UCK1: variants seen among roughly 807,000 people sequenced by gnomAD.
The protein encoded by UCK1 is uridine-cytidine kinase 1.
In UCK1, 20 loss-of-function variants were observed where a neutral mutation model predicts 34.0. The ratio of observed to expected loss-of-function variants is 0.59; its 90% confidence interval spans 0.41 to 0.86. The LOEUF is 0.86. UCK1 is among the 40% of genes least tolerant of loss of function. The pLI is 0.00. For missense variants in UCK1, 343 were observed against 383.6 expected (o/e 0.89, Z 0.88); for synonymous variants, 168 against 155.9 (o/e 1.08, Z -0.58).
intron 1 of UCK1, 100 bp downstream of exon 1, chr9:131,530,967 T>TGGCAGGGGGCCCCTC: frequency 9.2e-7 from 1 of 1,090,574 alleles, no homozygotes; most frequent in Non-Finnish European, 1.2e-6. Context: ...TGCCCCTGCC[T>TGGCAGGGGGCCCCTC]GGCAGGGGGC....
intron 5 of UCK1, chr9:131,526,516 G>A (rs1373803347): frequency 3.1e-6 from 4 of 1,289,322 alleles, no homozygotes; most frequent in Non-Finnish European, 3.0e-6. Flanking sequence ...GCTGAGGAAG[G>A]ACAAGGATGG....
intron 1 of UCK1, 142 bp downstream of exon 1, chr9:131,530,925 T>G: frequency 1.3e-6 from 1 of 788,416 alleles, no homozygotes; most frequent in Non-Finnish European, 1.8e-6. Context: ...CCCCGGCCCA[T>G]CGCGGCCTGC....
Position 131,525,255 on chromosome 9 carries a change from C to T in UCK1, c.653-34G>A, listed in dbSNP as rs745645691. ...AGAGACAGACAAGCAGCGGGTTAGC[C>T]GCATCCATCCTCCGTGGAGACCGCC... On this transcript the variant is annotated intron_variant, in intron 6 of 6. Transcript: ENST00000372215. 6.8e-6 allele frequency: 11 copies of T among 1,611,856 alleles called. No individual in the cohort carries two copies. The African/African-American group carries it at 8.0e-5, about 12-fold the overall frequency.
intron 3 of UCK1, 83 bp from the exon 4 acceptor site, chr9:131,529,353 CACTG>C: frequency 1.2e-6 from 2 of 1,603,540 alleles, no homozygotes; most frequent in South Asian, 2.2e-5. Flanking sequence ...ATTGCAGGGA[CACTG>C]ACTGTGGGAA....
At chr9:131,526,051 A>G in intron 5 of UCK1, 74 bp from the exon 6 acceptor site, 1 of 1,578,702 alleles carries the variant, frequency 6.3e-7, no homozygotes, top group South Asian at 1.1e-5. Flanking sequence ...TCAGAAACAG[A>G]TGCAACAGCA....
chr9:131,529,722 G>T, intron 2 of UCK1, 138 bp from the exon 3 acceptor site: 1 of 702,902 alleles, frequency 1.4e-6, no homozygotes, highest in Non-Finnish European at 2.5e-6. Context: ...TAGGACTACG[G>T]CAGTGTATGT....
At chr9:131,527,228 T>C (rs1196524830) in intron 5 of UCK1, among the ~76,000 whole-genome samples, 2 of 151,072 alleles carry the variant, frequency 1.3e-5, no homozygotes, top group Non-Finnish European at 2.9e-5. Context: ...CTCAGGAGCC[T>C]GAGGTGGGAG....
chr9:131,527,969 T>G (rs1564406466), intron 5 of UCK1, among the ~76,000 whole-genome samples: 1 of 151,960 alleles, frequency 6.6e-6, no homozygotes, highest in African/African-American at 2.4e-5. Context: ...AGTCCAGGAG[T>G]TCGAGACCAG....
At chr9:131,530,050 C>T (rs189788159) in intron 2 of UCK1, among the ~76,000 whole-genome samples, 86 of 152,324 alleles carry the variant, frequency 5.6e-4, no homozygotes, top group Middle Eastern at 3.4e-3. Flanking sequence ...TTACCTGGCC[C>T]GGAGCTTCAA....
intron 3 of UCK1, 40 bp downstream of exon 3, chr9:131,529,448 T>G: frequency 6.2e-7 from 1 of 1,611,912 alleles, no homozygotes; most frequent in Non-Finnish European, 8.5e-7. Context: ...ACGTCCTAGC[T>G]GGCCCCTCTC....
At chr9:131,526,456 A>G in intron 5 of UCK1, 4 of 1,290,176 alleles carry the variant, frequency 3.1e-6, no homozygotes, top group Non-Finnish European at 4.0e-6. Context: ...CCCTCATCCA[A>G]CCACTCATTG....
In UCK1 at chr9:131,528,817, G is replaced by A. The variant is rs113158528; in HGVS notation, c.603+127C>T. On this transcript the variant is annotated intron_variant, in intron 5 of 6. Coordinates refer to ENST00000372215, the MANE Select transcript of UCK1 (RefSeq NM_031432.5). The stretch of plus-strand genomic sequence containing the variant: ...TACTCCCAGGGTATGTGGCCATAAT[G>A]AGCCAAATTCTTCTCCTTTTTTTCA... The A allele has an allele frequency of 1.0e-3, 1,225 of 1,201,034 alleles. 14 individuals are homozygous for A. The African/African-American group carries it at 0.014, about 14-fold the overall frequency. The allele number at this position is 1,201,034 out of a possible 1,614,324, so 74.4% of individuals were successfully genotyped here.
At chr9:131,525,792 TTTTAA>T in intron 6 of UCK1, 132 bp downstream of exon 6, 1 of 948,704 alleles carries the variant, frequency 1.1e-6, no homozygotes, top group Non-Finnish European at 1.6e-6. Flanking sequence ...TTTAAGCATA[TTTTAA>T]CCCTGTGCCG....
At chr9:131,526,575 G>A (rs1950612027) in intron 5 of UCK1, 1 of 1,254,908 alleles carries the variant, frequency 8.0e-7, no homozygotes, top group Admixed American at 2.3e-5. Context: ...GCAGCCAGAT[G>A]GTGGGGGTTG....
chr9:131,525,836 A>G (rs1392545219), intron 6 of UCK1, 93 bp downstream of exon 6: 14 of 1,351,986 alleles, frequency 1.0e-5, no homozygotes, highest in Non-Finnish European at 1.3e-5. Context: ...CCGCGTGCGC[A>G]GGGGAGTGCT....
At chr9:131,525,355 A>G in intron 6 of UCK1, 134 bp from the exon 7 acceptor site, 1 of 1,044,662 alleles carries the variant, frequency 9.6e-7, no homozygotes, top group Non-Finnish European at 1.4e-6. Context: ...AGGGGCATCG[A>G]GTCAAATCTC....
intron 5 of UCK1, 109 bp downstream of exon 5, chr9:131,528,835 T>C: frequency 8.0e-6 from 11 of 1,380,060 alleles, no homozygotes; most frequent in Non-Finnish European, 1.1e-5. Context: ...TTCTTCTCCT[T>C]TTTTTCAATC....
At chr9:131,530,764 G>A (rs1360388896) in intron 1 of UCK1, 119 bp from the exon 2 acceptor site, 11 of 1,569,352 alleles carry the variant, frequency 7.0e-6, no homozygotes, top group Admixed American at 1.7e-5. Context: ...AAGGCGGGAG[G>A]ACACCAACAG....
chr9:131,530,411 G>T, intron 2 of UCK1, 75 bp downstream of exon 2: 1 of 1,571,256 alleles, frequency 6.4e-7, no homozygotes, highest in Non-Finnish European at 8.7e-7. Flanking sequence ...ATCCAACCTT[G>T]GGCCCAAGCG....
Sources: allele counts gnomAD v4.1 joint callset (sites outside exome capture counted in the v4.1 genomes callset), GRCh38; gene constraint gnomAD v4.1.1; transcripts MANE v1.5; gene names NCBI Gene and HGNC (gene_info 2026-07-23, HGNC 2026-07-21).